Variants in CADM2 observed in about 807,000 individuals in gnomAD.
CADM2 encodes the protein immunoglobulin superfamily member 4D.
Under a neutral mutation model 49.8 loss-of-function variants are expected in CADM2, and 12 were observed. That is an observed-to-expected ratio of 0.24 (90% confidence interval 0.15 to 0.39). The LOEUF (loss-of-function observed/expected upper bound fraction) is 0.39, where lower values mean the gene tolerates loss of function less well. CADM2 is among the 10% of genes least tolerant of loss of function. The pLI is 1.00. For synonymous variants in CADM2, 214 were observed against 175.4 expected (o/e 1.22, Z -1.74); for missense variants, 378 against 492.3 (o/e 0.77, Z 2.20).
chr3:85,811,525 T>C (rs1039091005), intron 3 of CADM2, among the ~76,000 whole-genome samples: 8 of 152,232 alleles, frequency 5.3e-5, no homozygotes, highest in Non-Finnish European at 8.8e-5. Context: ...GCCTATTTCA[T>C]GTTGAATAGA....
intron 1 of CADM2, among the ~76,000 whole-genome samples, chr3:85,400,522 T>C (rs961400760): frequency 3.9e-5 from 6 of 152,306 alleles, no homozygotes; most frequent in East Asian, 1.9e-4. Context: ...TCAGAAGGAA[T>C]GGTACCAGCT....
chr3:86,012,629 T>C, intron 8 of CADM2: 1 of 1,573,444 alleles, frequency 6.4e-7, no homozygotes, highest in Non-Finnish European at 8.7e-7. Context: ...CTTCTTCAGG[T>C]TCCCGCGGGA....
intron 2 of CADM2, among the ~76,000 whole-genome samples, chr3:85,731,031 G>T (rs1427364866): frequency 6.6e-6 from 1 of 152,052 alleles, no homozygotes; most frequent in Non-Finnish European, 1.5e-5. Flanking sequence ...ATGGTTCAAA[G>T]GAGAATCAGT....
At chr3:85,055,232 G>A (rs1290885804) in intron 1 of CADM2, among the ~76,000 whole-genome samples, 1 of 151,910 alleles carries the variant, frequency 6.6e-6, no homozygotes, top group African/African-American at 2.4e-5. Flanking sequence ...AAAACTGAGA[G>A]TTCAATGGAC....
chr3:85,870,756 G>T (rs1421984877), intron 3 of CADM2, among the ~76,000 whole-genome samples: 3 of 152,012 alleles, frequency 2.0e-5, no homozygotes, highest in African/African-American at 7.2e-5. Context: ...ATTCCTTTGG[G>T]TATATAGCCC....
intron 1 of CADM2, among the ~76,000 whole-genome samples, chr3:85,354,415 A>G (rs997790675): frequency 9.9e-5 from 15 of 150,822 alleles, no homozygotes; most frequent in South Asian, 6.4e-4. Context: ...ATGACGAGTT[A>G]ATGGGTGCAG....
intron 8 of CADM2, among the ~76,000 whole-genome samples, chr3:86,061,658 T>C (rs971086373): frequency 3.3e-5 from 5 of 151,948 alleles, no homozygotes; most frequent in Admixed American, 6.6e-5. Context: ...ATGGATTTGA[T>C]TACATAAAGT....
intron 1 of CADM2, among the ~76,000 whole-genome samples, chr3:85,103,024 A>G (rs1384239063): frequency 6.6e-6 from 1 of 152,190 alleles, no homozygotes; most frequent in East Asian, 1.9e-4. Context: ...GACAGTCATT[A>G]ATTCCCAAGG....
Position 85,290,244 on chromosome 3 carries a change from G to A in CADM2, c.61+330576G>A, listed in dbSNP as rs1240140440. 2.6e-5 allele frequency among the ~76,000 whole-genome samples: 4 copies of A among 152,188 alleles called. No individual in the cohort carries two copies. The East Asian group carries it at 7.7e-4, about 29-fold the overall frequency. On this transcript the variant is annotated intron_variant, in intron 1 of 9. Coordinates refer to ENST00000383699, the MANE Select transcript of CADM2 (RefSeq NM_001167675.2). ...CGCTTTTCCGATCGGCTTAAAAAAT[G>A]GCGCACCACGAGATTATATCCCGCA...
chr3:86,052,611 T>C (rs936699625), intron 8 of CADM2, among the ~76,000 whole-genome samples: 1 of 152,142 alleles, frequency 6.6e-6, no homozygotes, highest in Admixed American at 6.6e-5. Flanking sequence ...CATATAATTA[T>C]ACTTCATATT....
intron 1 of CADM2, among the ~76,000 whole-genome samples, chr3:85,375,963 T>C (rs2033570175): frequency 6.6e-6 from 1 of 152,168 alleles, no homozygotes; most frequent in African/African-American, 2.4e-5. Context: ...ACCTAATAAC[T>C]AATAGTCACT....
At chr3:85,405,647 C>A (rs1471340346) in intron 1 of CADM2, among the ~76,000 whole-genome samples, 16 of 151,976 alleles carry the variant, frequency 1.1e-4, no homozygotes, top group Non-Finnish European at 1.5e-5. Flanking sequence ...AGTAGCGTTC[C>A]TATAGAAATT....
At chr3:85,769,136 A>G (rs1577264252) in intron 2 of CADM2, among the ~76,000 whole-genome samples, 1 of 54,388 alleles carries the variant, frequency 1.8e-5, no homozygotes, top group South Asian at 7.3e-4. Flanking sequence ...ATACATATAT[A>G]GTATATATAC....
At chr3:85,864,012 A>T (rs543707469) in intron 3 of CADM2, among the ~76,000 whole-genome samples, 28 of 152,250 alleles carry the variant, frequency 1.8e-4, no homozygotes, top group Middle Eastern at 3.4e-3. Context: ...TGAAGAGCAC[A>T]CCCACAGAGT....
chr3:85,076,562 G>T (rs2036952719), intron 1 of CADM2, among the ~76,000 whole-genome samples: 1 of 151,918 alleles, frequency 6.6e-6, no homozygotes, highest in African/African-American at 2.4e-5. Context: ...GGCCAGGCTG[G>T]TCTCGAACTC....
At chr3:85,004,286 T>A (rs1019964160) in intron 1 of CADM2, among the ~76,000 whole-genome samples, 1 of 152,158 alleles carries the variant, frequency 6.6e-6, no homozygotes, top group Admixed American at 6.6e-5. Context: ...TTTTTCTCAT[T>A]CTACACATCT....
chr3:85,094,705 ACTTTT>A (rs1358739669), intron 1 of CADM2, among the ~76,000 whole-genome samples: 2 of 152,136 alleles, frequency 1.3e-5, no homozygotes, highest in African/African-American at 4.8e-5. Context: ...GCAATCACTG[ACTTTT>A]CTTTTTGGGA....
intron 1 of CADM2, among the ~76,000 whole-genome samples, chr3:85,345,814 G>A (rs919065854): frequency 3.9e-5 from 6 of 152,132 alleles, no homozygotes; most frequent in East Asian, 1.9e-4. Flanking sequence ...TTTGATGGTC[G>A]TAATTTGGTC....
At chr3:85,703,774 A>G (rs763780837) in intron 1 of CADM2, among the ~76,000 whole-genome samples, 1 of 152,124 alleles carries the variant, frequency 6.6e-6, no homozygotes, top group African/African-American at 2.4e-5. Context: ...GCATAATTCA[A>G]TGTTTTTGTT....
Sources: gnomAD v4.1 joint callset for allele counts (sites outside exome capture counted in the v4.1 genomes callset) on GRCh38, gnomAD v4.1.1 for gene constraint, MANE v1.5 for transcripts, NCBI Gene and HGNC (gene_info 2026-07-23, HGNC 2026-07-21) for gene names.